XPC: variants seen among roughly 807,000 people sequenced by gnomAD.
The protein encoded by XPC is XPC complex subunit, DNA damage recognition and repair factor, also known as DNA repair protein complementing XP-C cells.
Under a neutral mutation model 95.8 loss-of-function variants are expected in XPC, and 76 were observed. That is an observed-to-expected ratio of 0.79 (90% CI 0.66 to 0.96). The LOEUF (loss-of-function observed/expected upper bound fraction) is 0.96, where lower values mean the gene tolerates loss of function less well. Among genes scored for constraint, XPC ranks in the 40% least tolerant of loss-of-function variants. The pLI, the probability that XPC is intolerant of heterozygous loss-of-function variation, is 0.00. For missense variants in XPC, 1,146 were observed against 1,179.8 expected, an observed-to-expected ratio of 0.97 and a Z score of 0.42; for synonymous variants, 442 against 442.1, an observed-to-expected ratio of 1.00 and a Z score of 0.00.
At chr3:14,175,072 A>G (rs1217004633) in intron 1 of XPC, among the ~76,000 whole-genome samples, 5 of 151,880 alleles carry the variant, frequency 3.3e-5, no homozygotes, top group Non-Finnish European at 5.9e-5. Context: ...TAAAATTCCA[A>G]CTCCTTAGCT....
At chr3:14,169,203 G>A (rs997233402) in intron 3 of XPC, among the ~76,000 whole-genome samples, 2 of 152,222 alleles carry the variant, frequency 1.3e-5, no homozygotes, top group African/African-American at 2.4e-5. Context: ...CTTAAAGGTA[G>A]CATGACTAGA....
Position 14,158,411 on chromosome 3 carries a change from T to C in XPC, c.1472A>G (p.His491Arg). 21 of 1,613,884 alleles carry C rather than the reference T, an allele frequency of 1.3e-5. No homozygotes were observed. Among genetic ancestry groups the C allele is most frequent in the Non-Finnish European group, 1.8e-5 (21 of 1,179,858 alleles). The change falls in exon 9 of 16, where the codon CAT becomes CGT. Residue 491 changes from histidine (H) to arginine (R), a missense_variant. Physicochemically the swap from His to Arg is conservative, Grantham distance 29. Transcript: ENST00000285021. This position sits in a 1 kb window ranked among gnomAD's most constrained non-coding sequence, Gnocchi z 5.2. ...KSASRTHRGS[H>R]RKDPSLPAAS... ...CGCTGGCAAGCTTGGGTCCTTACGA[T>C]GGCTCCCACGATGGGTCCTGGAGGC...
At chr3:14,146,362 A>T (rs1348663429) in intron 15 of XPC, among the ~76,000 whole-genome samples, 1 of 152,000 alleles carries the variant, frequency 6.6e-6, no homozygotes, top group Non-Finnish European at 1.5e-5. Flanking sequence ...CAGACACTGG[A>T]GCACCTGCTA....
chr3:14,172,010 G>A (rs1399019040), intron 2 of XPC, among the ~76,000 whole-genome samples: 1 of 152,134 alleles, frequency 6.6e-6, no homozygotes, highest in African/African-American at 2.4e-5. Flanking sequence ...GTGAGGATTT[G>A]TTTATGAAGC....
chr3:14,178,440 C>G, intron 1 of XPC, 26 bp downstream of exon 1: 1 of 1,581,992 alleles, frequency 6.3e-7, no homozygotes, highest in Non-Finnish European at 8.6e-7. Flanking sequence ...GCGTCTCCCG[C>G]GAAGCCCGCT....
At chr3:14,174,978 C>A (rs1696756278) in intron 1 of XPC, among the ~76,000 whole-genome samples, 1 of 151,984 alleles carries the variant, frequency 6.6e-6, no homozygotes, top group African/African-American at 2.4e-5. Context: ...GCAGGAATTA[C>A]CACTGTGGTC....
At chr3:14,176,365 C>G (rs921657320) in intron 1 of XPC, among the ~76,000 whole-genome samples, 2 of 152,184 alleles carry the variant, frequency 1.3e-5, no homozygotes, top group Admixed American at 1.3e-4. Context: ...CTTCAGAGAG[C>G]GTTCCCCGAT....
intron 13 of XPC, 34 bp from the exon 14 acceptor site, chr3:14,148,035 C>A (rs1695517549): frequency 2.0e-6 from 3 of 1,520,454 alleles, no homozygotes; most frequent in African/African-American, 1.4e-5. Flanking sequence ...AACCCTCGAA[C>A]CTGCTGCCTG....
At chr3:14,171,702 G>C (rs909628120) in intron 2 of XPC, among the ~76,000 whole-genome samples, 5 of 152,132 alleles carry the variant, frequency 3.3e-5, no homozygotes, top group Non-Finnish European at 5.9e-5. Flanking sequence ...TGGGCGTGGT[G>C]GTGGGCACCT....
chr3:14,151,535 G>A (rs1343731984), intron 11 of XPC: 1 of 152,212 alleles, frequency 6.6e-6, no homozygotes, highest in African/African-American at 2.4e-5. Flanking sequence ...ACTGTGACCA[G>A]CGCCTGCAGC....
At chr3:14,164,988 C>A in intron 6 of XPC, 55 bp from the exon 7 acceptor site, 1 of 1,557,246 alleles carries the variant, frequency 6.4e-7, no homozygotes. Flanking sequence ...GGGGAATTTT[C>A]ATTTCCAGCC....
chr3:14,155,692 G>A (rs933594326), intron 10 of XPC, among the ~76,000 whole-genome samples: 2 of 152,088 alleles, frequency 1.3e-5, no homozygotes, highest in Non-Finnish European at 2.9e-5. Context: ...CCGAGTCGCT[G>A]GGACTACAGG....
intron 2 of XPC, among the ~76,000 whole-genome samples, chr3:14,170,957 T>C (rs1696587631): frequency 6.6e-6 from 1 of 152,236 alleles, no homozygotes; most frequent in South Asian, 2.1e-4. Flanking sequence ...ACTATAAGCC[T>C]ACTCAGACTT....
chr3:14,159,683 T>C (rs1236637474), intron 8 of XPC, 58 bp downstream of exon 8: 2 of 1,471,790 alleles, frequency 1.4e-6, no homozygotes, highest in Non-Finnish European at 1.9e-6. Flanking sequence ...TCAATTTTTT[T>C]AAGTGTGACA....
rs1695414847 is a variant in XPC at position 14,146,014 on chromosome 3, T to C, written c.2750A>G (p.Lys917Arg). The part of the protein sequence containing the change: ...NREDEEKQKL[K>R]GGPKKTKREK... ...CCTTTTGGTCTTCTTGGGCCCACCC[T>C]TCAGCTTCTGCTTTTCTTCATCTTC... Residue 917 changes from lysine to arginine, a missense_variant, in exon 16 of 16, where the codon AAG becomes AGG. Transcript: ENST00000285021. The C allele has an allele frequency of 6.2e-7, 1 of 1,612,338 alleles. No individual in the cohort carries two copies. Among genetic ancestry groups the C allele is most frequent in the Non-Finnish European group, 8.5e-7 (1 of 1,179,038 alleles).
intron 14 of XPC, 162 bp downstream of exon 14, chr3:14,147,746 G>A (rs1695498941): frequency 3.1e-6 from 2 of 655,706 alleles, no homozygotes; most frequent in Non-Finnish European, 2.6e-6. Context: ...GTGGGCAGGA[G>A]CCTGCTGTAT....
intron 15 of XPC, 40 bp downstream of exon 15, chr3:14,147,250 G>A: frequency 6.4e-7 from 1 of 1,574,052 alleles, no homozygotes; most frequent in Non-Finnish European, 8.6e-7. Context: ...CCAAGAAACT[G>A]ACCCTGAGCT....
intron 8 of XPC, 77 bp downstream of exon 8, chr3:14,159,664 T>C (rs1468993477): frequency 1.4e-6 from 2 of 1,380,120 alleles, no homozygotes; most frequent in Admixed American, 2.0e-5. Flanking sequence ...TTAAAAAATA[T>C]AATAATGATC....
chr3:14,167,289 G>A (rs771486995), intron 4 of XPC, 36 bp from the exon 5 acceptor site: 8 of 1,577,200 alleles, frequency 5.1e-6, no homozygotes, highest in Non-Finnish European at 6.9e-6. Context: ...GAATGAAGGG[G>A]GGAACTGAAA....
Sources: allele counts gnomAD v4.1 joint callset (sites outside exome capture counted in the v4.1 genomes callset), GRCh38; gene constraint gnomAD v4.1.1; non-coding constraint Gnocchi (gnomAD v3.1); transcripts MANE v1.5; gene names NCBI Gene and HGNC (gene_info 2026-07-23, HGNC 2026-07-21).